The following CD96 variants were observed in gnomAD, a reference collection of about 807,000 sequenced individuals.
CD96 encodes the protein T-cell surface protein tactile.
A neutral mutation model predicts 71.3 loss-of-function variants in CD96; 70 were observed. The ratio of observed to expected loss-of-function variants is 0.98; its 90% CI spans 0.81 to 1.20. The LOEUF (loss-of-function observed/expected upper bound fraction) is 1.20, where lower values mean the gene tolerates loss of function less well. Among genes scored for constraint, CD96 ranks in the 50% most tolerant of loss-of-function variants. The pLI is 0.00. For synonymous variants in CD96, 248 were observed against 233.0 expected, an observed-to-expected ratio of 1.06 and a Z score of -0.59; for missense variants, 742 against 677.5, an observed-to-expected ratio of 1.10 and a Z score of -1.06.
intron 2 of CD96, among the ~76,000 whole-genome samples, chr3:111,561,534 C>G (rs1438406226): frequency 2.7e-5 from 4 of 148,308 alleles, no homozygotes; most frequent in African/African-American, 9.8e-5. Context: ...GGTCAGGGGT[C>G]AGGGACCCAC....
intron 10 of CD96, among the ~76,000 whole-genome samples, chr3:111,625,190 C>T (rs1260764325): frequency 6.6e-6 from 1 of 152,114 alleles, no homozygotes; most frequent in African/African-American, 2.4e-5. Context: ...GGGAACTTGT[C>T]CTTAGGCAAG....
chr3:111,624,244 C>T, intron 9 of CD96, 89 bp from the exon 10 acceptor site: 1 of 877,794 alleles, frequency 1.1e-6, no homozygotes, highest in Non-Finnish European at 1.9e-6. Context: ...TCCCCAAAGT[C>T]ACATAGATTA....
At chr3:111,564,763 A>G (rs1482197918) in intron 2 of CD96, among the ~76,000 whole-genome samples, 1 of 152,058 alleles carries the variant, frequency 6.6e-6, no homozygotes, top group African/African-American at 2.4e-5. Flanking sequence ...GCTTAAGTTA[A>G]ATGCATTCTT....
At chr3:111,620,692 T>A (rs1938477431) in intron 8 of CD96, among the ~76,000 whole-genome samples, 1 of 152,180 alleles carries the variant, frequency 6.6e-6, no homozygotes, top group African/African-American at 2.4e-5. Context: ...TTGATCTTTT[T>A]GTTCCCCACA....
chr3:111,637,920 C>T (rs920938952), intron 11 of CD96, among the ~76,000 whole-genome samples, 159 bp from the exon 12 acceptor site: 1 of 151,872 alleles, frequency 6.6e-6, no homozygotes. Flanking sequence ...CCCAGCCTTG[C>T]TATAAATTGG....
intron 13 of CD96, among the ~76,000 whole-genome samples, chr3:111,648,865 G>A (rs1373295942): frequency 6.6e-6 from 1 of 152,156 alleles, no homozygotes; most frequent in Non-Finnish European, 1.5e-5. Context: ...TATCAAGATA[G>A]CTAGAGCATT....
At position 111,600,093 on chromosome 3, in the gene CD96, G is replaced by A. The variant is rs79311745; in HGVS notation, c.899-633G>A. ...ACAAATCTACAGCTTATTTCAAGAAGAGGAGACAACATAGCAAAAAGATTA... is the reference window on the plus strand; with the variant it reads ...ACAAATCTACAGCTTATTTCAAGAAAAGGAGACAACATAGCAAAAAGATTA... On this transcript the variant is annotated intron_variant, in intron 6 of 13. Transcript: ENST00000352690. Among the ~76,000 whole-genome samples, 1,181 of 152,308 alleles carry A rather than the reference G, an allele frequency of 7.8e-3. 12 individuals carry two copies. Among genetic ancestry groups the A allele is most frequent in the African/African-American group, 0.027 (1,115 of 41,572 alleles).
intron 5 of CD96, among the ~76,000 whole-genome samples, chr3:111,590,723 T>C (rs1393157102): frequency 2.0e-5 from 3 of 152,128 alleles, no homozygotes; most frequent in Admixed American, 6.5e-5. Context: ...GGCCCCTCCA[T>C]GTGGCAGGTT....
chr3:111,546,401 C>G (rs1353977502), intron 2 of CD96, among the ~76,000 whole-genome samples: 1 of 152,098 alleles, frequency 6.6e-6, no homozygotes, highest in Non-Finnish European at 1.5e-5. Flanking sequence ...AGCATTCACA[C>G]CAAACATACT....
rs1348921076 is a variant in CD96 at position 111,623,803 on chromosome 3, G to A, written c.1230G>A (p.Arg410=). ...CCCTTGTAGATGTGAGTGCCTTGAGGCCAAACACCACTCCTCAACGTGAGT... is the reference window on the plus strand; with the variant it reads ...CCCTTGTAGATGTGAGTGCCTTGAGACCAAACACCACTCCTCAACGTGAGT... ...SVTLVDVSAL[R]PNTTPQPSNS... Residue 410 remains arginine, a synonymous_variant, in exon 9 of 14, where the codon AGG becomes AGA. Transcript: ENST00000352690. 4 of 1,610,290 alleles carry A rather than the reference G, an allele frequency of 2.5e-6. No individual in the cohort carries two copies. Among genetic ancestry groups the A allele is most frequent in the Non-Finnish European group, 3.4e-6 (4 of 1,176,636 alleles).
In CD96 at chr3:111,579,141, G is replaced by T. The variant is rs1453346037; in HGVS notation, c.658G>T (p.Val220Phe). 1.9e-6 allele frequency: 3 copies of T among 1,605,062 alleles called. No individual in the cohort carries two copies. Among genetic ancestry groups the T allele is most frequent in the Non-Finnish European group, 2.6e-6 (3 of 1,171,770 alleles). Reference protein sequence around the residue: ...GTDYRLHLSPVQIFDDGRKFS... With the variant: ...GTDYRLHLSPFQIFDDGRKFS... Reference sequence around the variant, plus strand: ...AGACTACAGACTCCACCTCTCTCCAGTCCAAATCTTCGATGATGGGCGGAA... The same window carrying T: ...AGACTACAGACTCCACCTCTCTCCATTCCAAATCTTCGATGATGGGCGGAA... Residue 220 changes from valine (V) to phenylalanine (F), a missense_variant, in exon 4 of 14, where the codon GTC becomes TTC. Physicochemically the swap from Val to Phe is conservative, Grantham distance 50 (BLOSUM62 -1). Coordinates refer to ENST00000352690, the MANE Select transcript of CD96 (RefSeq NM_005816.5).
chr3:111,550,665 G>A (rs975459069), intron 2 of CD96, among the ~76,000 whole-genome samples: 1 of 151,378 alleles, frequency 6.6e-6, no homozygotes, highest in Non-Finnish European at 1.5e-5. Flanking sequence ...GATGAGGGAG[G>A]TGCTGTCTTC....
At chr3:111,581,819 C>A (rs1011442514) in intron 4 of CD96, among the ~76,000 whole-genome samples, 2 of 152,174 alleles carry the variant, frequency 1.3e-5, no homozygotes, top group African/African-American at 4.8e-5. Flanking sequence ...CAGGTTGTAT[C>A]TTGGTTTTGG....
chr3:111,629,278 G>A (rs1051404948), intron 10 of CD96, among the ~76,000 whole-genome samples: 7 of 152,096 alleles, frequency 4.6e-5, no homozygotes, highest in African/African-American at 1.4e-4. Flanking sequence ...CATCTCACAT[G>A]CAAAGACACA....
At chr3:111,598,605 C>T (rs1253470817) in intron 6 of CD96, among the ~76,000 whole-genome samples, 1 of 152,214 alleles carries the variant, frequency 6.6e-6, no homozygotes, top group Non-Finnish European at 1.5e-5. Flanking sequence ...ATTAACTTAG[C>T]ACCGCTGCTT....
At chr3:111,564,295 A>C (rs1935599699) in intron 2 of CD96, among the ~76,000 whole-genome samples, 1 of 151,100 alleles carries the variant, frequency 6.6e-6, no homozygotes, top group Admixed American at 6.6e-5. Flanking sequence ...TTTGCATATC[A>C]TTTCCTTTGA....
chr3:111,637,645 T>C lies in CD96; in HGVS notation c.1387+384T>C, dbSNP rs138078532. Among the ~76,000 whole-genome samples, 285 of 152,288 alleles carry C rather than the reference T, an allele frequency of 1.9e-3. 1 individual carries two copies. The highest frequency in any genetic ancestry group is 3.1e-3 in the Non-Finnish European group (212 of 68,028). ...ACATCGGTGTGGAGAGAAATTAGTA[T>C]TTTGATCAGCTGAACCTCTCATACC... On this transcript the variant is annotated intron_variant, in intron 11 of 13. Transcript: ENST00000352690.
Position 111,571,087 on chromosome 3 carries a change from T to A in CD96, c.543+3440T>A, listed in dbSNP as rs141517543. ...GGTAGGAGGTAGGTCAAGTGGAGAC[T>A]AAGACCCGGGCATCCCTCTGAATCC... On this transcript the variant is annotated intron_variant, in intron 3 of 13. Coordinates refer to ENST00000352690, the MANE Select transcript of CD96 (RefSeq NM_005816.5). 374 of 825,288 alleles carry A rather than the reference T, an allele frequency of 4.5e-4. 2 individuals are homozygous for A. In the African/African-American group the frequency reaches 5.7e-3, roughly 13 times the overall value. 51.1% of individuals were successfully genotyped at this position (825,288 alleles called of 1,614,324 possible). A position where few individuals can be genotyped will look rare whatever the true frequency, so the allele number is the denominator to read the frequency against.
chr3:111,615,679 A>G (rs1411314300), intron 8 of CD96, among the ~76,000 whole-genome samples: 2 of 152,206 alleles, frequency 1.3e-5, no homozygotes, highest in Non-Finnish European at 2.9e-5. Context: ...AGAATTATGT[A>G]TCTACTTGAG....
Sources: allele counts gnomAD v4.1 joint callset (sites outside exome capture counted in the v4.1 genomes callset), GRCh38; gene constraint gnomAD v4.1.1; transcripts MANE v1.5; gene names NCBI Gene and HGNC (gene_info 2026-07-23, HGNC 2026-07-21).